Variants in NRXN2 observed in about 807,000 individuals in gnomAD.
NRXN2 encodes the protein neurexin-2-beta.
Under a neutral mutation model 128.8 loss-of-function variants are expected in NRXN2, and 29 were observed. The ratio of observed to expected loss-of-function variants is 0.23; its 90% CI spans 0.17 to 0.31. The LOEUF is 0.31. NRXN2 is among the 10% of genes least tolerant of loss of function. The pLI is 1.00. For missense variants in NRXN2, 1,881 were observed against 2,452.6 expected (o/e 0.77, Z 4.92); for synonymous variants, 1,098 against 1,075.2 (o/e 1.02, Z -0.41).
At chr11:64,701,772 A>G (rs1344007772) in intron 2 of NRXN2, among the ~76,000 whole-genome samples, 1 of 151,746 alleles carries the variant, frequency 6.6e-6, no homozygotes, top group Admixed American at 6.6e-5. Context: ...TCCGGGGGGG[A>G]AGTGGGGGGA....
At chr11:64,671,065 C>G (rs928231433) in intron 7 of NRXN2, among the ~76,000 whole-genome samples, 4 of 152,202 alleles carry the variant, frequency 2.6e-5, no homozygotes, top group Admixed American at 1.3e-4. Flanking sequence ...AAACACCCTC[C>G]TCAGTTTCCC....
At chr11:64,653,774 CAA>C in intron 11 of NRXN2, 52 bp from the exon 12 acceptor site, 1 of 1,319,858 alleles carries the variant, frequency 7.6e-7, no homozygotes, top group Non-Finnish European at 1.1e-6. Context: ...AAAGGTAAAA[CAA>C]GTTTTTTTTT....
At chr11:64,634,754 G>A (rs2044441279) in intron 18 of NRXN2, among the ~76,000 whole-genome samples, 1 of 152,200 alleles carries the variant, frequency 6.6e-6, no homozygotes, top group Non-Finnish European at 1.5e-5. Flanking sequence ...GGAAGCAGAA[G>A]TCAAGGGCAG....
chr11:64,660,255 C>T lies in NRXN2; in HGVS notation c.2389+77G>A, dbSNP rs1042499797. ...CACCTCTTGCTGGTGCCACCACCAG[C>T]TTCTCCAGACAGAGGCAGGTGTGGG... On this transcript the variant is annotated intron_variant, in intron 11 of 22. Transcript: ENST00000265459. This position sits in a 1 kb window ranked among gnomAD's most constrained non-coding sequence, Gnocchi z 5.2. 328 of 1,529,148 alleles carry T rather than the reference C, an allele frequency of 2.1e-4. 3 individuals are homozygous for T. In the Middle Eastern group the frequency reaches 3.2e-3, roughly 15 times the overall value. The allele number at this position is 1,529,148 out of a possible 1,614,324, so 94.7% of individuals were successfully genotyped here.
In NRXN2 at chr11:64,607,363, A is replaced by G; in HGVS notation, c.4972T>C (p.Tyr1658His). ...LCILILLYAM[Y>H]KYRNRDEGSY... The stretch of plus-strand genomic sequence containing the variant: ...CCCTCATCACGATTGCGGTACTTAT[A>G]CATGGCGTAGAGGAGGATGAGGATG... Residue 1658 changes from tyrosine to histidine, a missense_variant, in exon 23 of 23, where the codon TAT becomes CAT. This residue lies in a region of NRXN2 where 63 missense variants were observed against 76.0 expected (regional missense o/e 0.83). Coordinates refer to ENST00000265459, the MANE Select transcript of NRXN2 (RefSeq NM_015080.4). 1 of 1,613,832 alleles carries G rather than the reference A, an allele frequency of 6.2e-7. No individual in the cohort carries two copies. The highest frequency in any genetic ancestry group is 8.5e-7 in the Non-Finnish European group (1 of 1,179,954).
In NRXN2 at chr11:64,668,611, A is replaced by G. The variant is rs754427074; in HGVS notation, c.1198-7T>C. ...CGTCCACCGAGATGGTCACCTGTCCAGCCCAGGAGGGAGGGAGAAAGACAG... is the reference window on the plus strand; with the variant it reads ...CGTCCACCGAGATGGTCACCTGTCCGGCCCAGGAGGGAGGGAGAAAGACAG... On this transcript the variant is annotated splice_region_variant and splice_polypyrimidine_tract_variant and intron_variant, in intron 7 of 22. Coordinates refer to ENST00000265459, the MANE Select transcript of NRXN2 (RefSeq NM_015080.4). The G allele has an allele frequency of 1.9e-6, 3 of 1,613,304 alleles. No homozygotes were observed. Among genetic ancestry groups the G allele is most frequent in the Non-Finnish European group, 2.5e-6 (3 of 1,180,034 alleles).
chr11:64,656,509 C>T lies in NRXN2; in HGVS notation c.2390-2787G>A, dbSNP rs1250795857. On this transcript the variant is annotated intron_variant, in intron 11 of 22. Transcript: ENST00000265459. ...GAGGTGGGAGGTAGAAGGCCTCCCA[C>T]TGGTAGGGAGTGTATGGGTGATTCA... Among the ~76,000 whole-genome samples, 9 of 152,068 alleles carry T rather than the reference C, an allele frequency of 5.9e-5. No individual in the cohort carries two copies. The East Asian group carries it at 1.7e-3, about 29-fold the overall frequency.
In NRXN2 at chr11:64,623,794, C is replaced by G. The variant is rs2042704823; in HGVS notation, c.3848-716G>C. ...TCCTCCCCACCTGGACATGCAAGCA[C>G]AGAAGTGGAAAATGTTAAAGGGACC... On this transcript the variant is annotated intron_variant, in intron 20 of 22. Coordinates refer to ENST00000265459, the MANE Select transcript of NRXN2 (RefSeq NM_015080.4). The surrounding 1 kb of genome is among the most constrained non-coding windows in gnomAD (Gnocchi z 4.9). 6.6e-6 allele frequency: 1 copy of G among 152,630 alleles called. No individual in the cohort carries two copies. The highest frequency in any genetic ancestry group is 1.5e-5 in the Non-Finnish European group (1 of 68,398). 9.5% of individuals were successfully genotyped at this position (152,630 alleles called of 1,614,324 possible).
In NRXN2 at chr11:64,606,401, A is replaced by G. The variant is rs1192734340; in HGVS notation, c.*795T>C. The G allele has an allele frequency of 6.6e-6, 1 of 152,022 alleles. No homozygotes were observed. Among genetic ancestry groups the G allele is most frequent in the Non-Finnish European group, 1.5e-5 (1 of 67,986 alleles). The allele number at this position is 152,022 out of a possible 1,614,324, so 9.4% of individuals were successfully genotyped here. ...GGCTGCTGCTCGTGGAATCTAGAGT[A>G]TTTGTCTGTAATATATATCTGCATT... is the stretch of plus-strand genomic sequence containing the variant. On this transcript the variant is annotated 3_prime_UTR_variant, in exon 23 of 23. Coordinates refer to ENST00000265459, the MANE Select transcript of NRXN2 (RefSeq NM_015080.4).
intron 9 of NRXN2, 184 bp from the exon 10 acceptor site, chr11:64,661,323 C>A: frequency 6.8e-7 from 1 of 1,474,578 alleles, no homozygotes; most frequent in Non-Finnish European, 8.9e-7. Flanking sequence ...AACTGCTTGA[C>A]AAAGGCCCCC....
At chr11:64,697,128 G>A (rs1266380422) in intron 3 of NRXN2, among the ~76,000 whole-genome samples, 1 of 152,126 alleles carries the variant, frequency 6.6e-6, no homozygotes, top group Non-Finnish European at 1.5e-5. Flanking sequence ...CCCCACCCTT[G>A]CCCTCCGACC....
chr11:64,667,401 C>G lies in NRXN2; in HGVS notation c.1647G>C (p.Gln549His). Reference sequence around the variant, plus strand: ...GCTCCATGGCAAAGTAGTCGGCCCGCTGAGCAGAGCTGTGGCTGCCAGCTC... The same window carrying G: ...GCTCCATGGCAAAGTAGTCGGCCCGGTGAGCAGAGCTGTGGCTGCCAGCTC... ...GGGAGSHSSA[Q>H]RADYFAMELL... Residue 549 changes from glutamine to histidine, a missense_variant, in exon 9 of 23, where the codon CAG (glutamine) becomes CAC (histidine). Physicochemically the swap from Gln to His is conservative, Grantham distance 24. Transcript: ENST00000265459. The surrounding 1 kb of genome is among the most constrained non-coding windows in gnomAD (Gnocchi z 5.6). The G allele has an allele frequency of 6.2e-7, 1 of 1,614,214 alleles. No individual in the cohort carries two copies. Among genetic ancestry groups the G allele is most frequent in the Non-Finnish European group, 8.5e-7 (1 of 1,180,044 alleles).
In NRXN2 at chr11:64,613,567, G is replaced by A. The variant is rs144327841; in HGVS notation, c.4253-5485C>T. 1.7e-3 allele frequency among the ~76,000 whole-genome samples: 255 copies of A among 152,284 alleles called. 1 individual carries two copies. Among genetic ancestry groups the A allele is most frequent in the Non-Finnish European group, 3.1e-3 (210 of 68,022 alleles). ...ATGCTCCTTCTCCTGCAGTGACCTT[G>A]GAAACCACAAGTTGAAAATGGAGGC... is the stretch of plus-strand genomic sequence containing the variant. On this transcript the variant is annotated intron_variant, in intron 22 of 22. Coordinates refer to ENST00000265459, the MANE Select transcript of NRXN2 (RefSeq NM_015080.4).
intron 2 of NRXN2, among the ~76,000 whole-genome samples, chr11:64,710,567 G>A (rs904278624): frequency 2.6e-5 from 4 of 152,080 alleles, no homozygotes; most frequent in African/African-American, 7.2e-5. Flanking sequence ...GCCAGGGACC[G>A]GTTACCCTAA....
intron 6 of NRXN2, among the ~76,000 whole-genome samples, chr11:64,678,403 C>T (rs1203734486): frequency 6.6e-6 from 1 of 152,120 alleles, no homozygotes; most frequent in Non-Finnish European, 1.5e-5. Context: ...ACCACCACCA[C>T]CCCTACCAGT....
In NRXN2 at chr11:64,607,074, C is replaced by A; in HGVS notation, c.*122G>T. ...CTTTTCTTTTTTTGCGTTTCCTCTTCGTAAGAGAAGCCTGAGGCAGCCAGG... is the reference window on the plus strand; with the variant it reads ...CTTTTCTTTTTTTGCGTTTCCTCTTAGTAAGAGAAGCCTGAGGCAGCCAGG... On this transcript the variant is annotated 3_prime_UTR_variant, in exon 23 of 23. Coordinates refer to ENST00000265459, the MANE Select transcript of NRXN2 (RefSeq NM_015080.4). 2.8e-6 allele frequency: 3 copies of A among 1,080,432 alleles called. No individual in the cohort carries two copies. In the South Asian group the frequency reaches 4.8e-5, roughly 17 times the overall value. The allele number at this position is 1,080,432 out of a possible 1,614,324, so 66.9% of individuals were successfully genotyped here.
intron 1 of NRXN2, among the ~76,000 whole-genome samples, chr11:64,720,123 C>A (rs552781899): frequency 2.0e-5 from 3 of 152,362 alleles, no homozygotes; most frequent in South Asian, 4.1e-4. Context: ...CTGAGGCTCA[C>A]TGAGGAGCAC....
chr11:64,713,802 G>T lies in NRXN2; in HGVS notation c.-103C>A. Reference sequence around the variant, plus strand: ...GGGCCGGGCGCTCCCCGCGCTGAGCGGGGCTCCCTTGCAGGCTCACAGTGC... The same window carrying T: ...GGGCCGGGCGCTCCCCGCGCTGAGCTGGGCTCCCTTGCAGGCTCACAGTGC... On this transcript the variant is annotated 5_prime_UTR_variant, in exon 2 of 23. Transcript: ENST00000265459. 1 of 657,996 alleles carries T rather than the reference G, an allele frequency of 1.5e-6. No homozygotes were observed. The highest frequency in any genetic ancestry group is 6.1e-5 in the Admixed American group (1 of 16,518). 40.8% of individuals were successfully genotyped at this position (657,996 alleles called of 1,614,324 possible). A position where few individuals can be genotyped will look rare whatever the true frequency, so the allele number is the denominator to read the frequency against.
chr11:64,687,341 T>C (rs1417147617), intron 5 of NRXN2, among the ~76,000 whole-genome samples: 1 of 152,142 alleles, frequency 6.6e-6, no homozygotes, highest in Non-Finnish European at 1.5e-5. Flanking sequence ...GTGCAGATTC[T>C]GCAGATCCCC....
Sources: gnomAD v4.1 joint callset for allele counts (sites outside exome capture counted in the v4.1 genomes callset) on GRCh38, gnomAD v4.1.1 for gene constraint, gnomAD v4.1.1 regional missense constraint, Gnocchi (gnomAD v3.1) non-coding constraint, MANE v1.5 for transcripts, NCBI Gene and HGNC (gene_info 2026-07-23, HGNC 2026-07-21) for gene names.